The following LIPI variants were observed in gnomAD, a reference collection of about 807,000 sequenced individuals.
LIPI encodes lipase member I.
A neutral mutation model predicts 50.6 loss-of-function variants in LIPI; 59 were observed. The ratio of observed to expected loss-of-function variants is 1.16; its 90% confidence interval spans 0.94 to 1.45. The LOEUF (loss-of-function observed/expected upper bound fraction) is 1.45. Ranked by LOEUF, LIPI falls within the 40% of genes most tolerant of loss-of-function variation. The pLI is 0.00. For synonymous variants in LIPI, 203 were observed against 178.2 expected, an observed-to-expected ratio of 1.14 and a Z score of -1.11; for missense variants, 586 against 536.3, an observed-to-expected ratio of 1.09 and a Z score of -0.92.
chr21:14,158,589 T>A (rs1364926504), intron 7 of LIPI, among the ~76,000 whole-genome samples: 1 of 148,232 alleles, frequency 6.7e-6, no homozygotes, highest in African/African-American at 2.5e-5. Context: ...GAAATATATA[T>A]TTTATATATA....
chr21:14,130,202 T>TG (rs1399254996), intron 9 of LIPI, among the ~76,000 whole-genome samples: 3 of 152,116 alleles, frequency 2.0e-5, no homozygotes, highest in African/African-American at 7.2e-5. Flanking sequence ...TAGCCAGGTG[T>TG]GGGGGTGTGC....
chr21:14,171,588 C>G (rs1244906554), intron 4 of LIPI, among the ~76,000 whole-genome samples: 2 of 150,582 alleles, frequency 1.3e-5, no homozygotes, highest in African/African-American at 4.9e-5. Flanking sequence ...TGATCTTTGA[C>G]AAACCTGAGA....
chr21:14,185,822 G>C, intron 3 of LIPI, 139 bp downstream of exon 3: 2 of 588,912 alleles, frequency 3.4e-6, no homozygotes, highest in East Asian at 6.0e-5. Flanking sequence ...AGCAGAGGTT[G>C]CAGTGAGCCG....
intron 7 of LIPI, among the ~76,000 whole-genome samples, chr21:14,162,767 A>C (rs769983154): frequency 3.2e-4 from 48 of 151,884 alleles, no homozygotes; most frequent in Non-Finnish European, 2.5e-4. Context: ...ATATTTTATG[A>C]GAATCTATTT....
chr21:14,153,336 A>C (rs1330075122), intron 7 of LIPI, among the ~76,000 whole-genome samples: 1 of 152,094 alleles, frequency 6.6e-6, no homozygotes, highest in East Asian at 1.9e-4. Context: ...TTATAATTGG[A>C]TTTTCCCCAT....
intron 5 of LIPI, among the ~76,000 whole-genome samples, chr21:14,165,673 A>G (rs907292532): frequency 3.9e-5 from 6 of 152,244 alleles, no homozygotes; most frequent in African/African-American, 1.4e-4. Context: ...CAGTGCTACT[A>G]TACTTAATAA....
At position 14,129,749 on chromosome 21, in the gene LIPI, TA is replaced by T. The variant is rs544082283; in HGVS notation, c.1295+14873del. 7.0e-3 allele frequency among the ~76,000 whole-genome samples: 1,044 copies of T among 149,914 alleles called. 17 individuals are homozygous for T. Among genetic ancestry groups the T allele is most frequent in the African/African-American group, 0.021 (875 of 41,080 alleles). On this transcript the variant is annotated intron_variant, in intron 9 of 9. Transcript: ENST00000681601. ...ATATGATAGGTAAAATGCTGATTTT[TA>T]AAAAAACCTAAGTATAATAATCTAT...
chr21:14,146,560 A>T (rs1005039312), intron 8 of LIPI, among the ~76,000 whole-genome samples: 1 of 152,120 alleles, frequency 6.6e-6, no homozygotes, highest in Admixed American at 6.6e-5. Flanking sequence ...CTTGCTTTGT[A>T]TCTCTCCAAT....
At chr21:14,135,632 T>A (rs958442428) in intron 9 of LIPI, among the ~76,000 whole-genome samples, 5 of 152,168 alleles carry the variant, frequency 3.3e-5, no homozygotes, top group Non-Finnish European at 5.9e-5. Flanking sequence ...CACAGGGGAA[T>A]CAGCAATCCC....
chr21:14,140,130 C>T (rs1360904327), intron 9 of LIPI, among the ~76,000 whole-genome samples: 1 of 151,836 alleles, frequency 6.6e-6, no homozygotes, highest in African/African-American at 2.4e-5. Context: ...TTATAGGACA[C>T]AAAGCTAAAA....
chr21:14,179,033 C>T (rs546528452), intron 4 of LIPI, among the ~76,000 whole-genome samples: 2 of 152,184 alleles, frequency 1.3e-5, no homozygotes, highest in South Asian at 4.1e-4. Flanking sequence ...TCTATAATGT[C>T]CTTTGGAGTT....
intron 1 of LIPI, among the ~76,000 whole-genome samples, chr21:14,209,093 A>T (rs1236345726): frequency 6.6e-6 from 1 of 152,190 alleles, no homozygotes; most frequent in Non-Finnish European, 1.5e-5. Flanking sequence ...AATAACAGCA[A>T]CAACAAAAAT....
chr21:14,129,139 G>T (rs1377645343), intron 9 of LIPI, among the ~76,000 whole-genome samples: 1 of 152,006 alleles, frequency 6.6e-6, no homozygotes, highest in Non-Finnish European at 1.5e-5. Flanking sequence ...CCTGTTCATT[G>T]AGCTGTGTAT....
In LIPI at chr21:14,163,438, A is replaced by T. The variant is rs1406588835; in HGVS notation, c.987T>A (p.Ser329Arg). ...ACTTACTACAGAATGGATATGTACCACTTGTATCCAAAAACACAGTGGTCC... is the reference window on the plus strand; with the variant it reads ...ACTTACTACAGAATGGATATGTACCTCTTGTATCCAAAAACACAGTGGTCC... The part of the protein sequence containing the change: ...PLRTTVFLDT[S>R]GTYPFCTYYF... The change falls in exon 7 of 10, where the codon AGT becomes AGA. Residue 329 changes from serine to arginine, a missense_variant. Physicochemically the swap from Ser to Arg is moderately radical, Grantham distance 110 (BLOSUM62 -1). Coordinates refer to ENST00000681601, the MANE Select transcript of LIPI (RefSeq NM_001302998.2). 6.6e-7 allele frequency: 1 copy of T among 1,505,822 alleles called. No individual in the cohort carries two copies. Among genetic ancestry groups the T allele is most frequent in the Non-Finnish European group, 9.2e-7 (1 of 1,081,720 alleles). 93.3% of individuals were successfully genotyped at this position (1,505,822 alleles called of 1,614,324 possible).
chr21:14,167,625 CA>C (rs1260881720), intron 4 of LIPI, among the ~76,000 whole-genome samples: 2 of 152,210 alleles, frequency 1.3e-5, no homozygotes, highest in Non-Finnish European at 2.9e-5. Context: ...GGACCTCTAG[CA>C]AACTCCAACA....
intron 1 of LIPI, among the ~76,000 whole-genome samples, chr21:14,200,881 A>G (rs371792258): frequency 2.0e-5 from 3 of 152,180 alleles, no homozygotes; most frequent in East Asian, 3.9e-4. Context: ...CAGGGCTACA[A>G]TAACCAAAAC....
At chr21:14,146,484 C>A (rs1348746872) in intron 8 of LIPI, among the ~76,000 whole-genome samples, 1 of 151,936 alleles carries the variant, frequency 6.6e-6, no homozygotes, top group Non-Finnish European at 1.5e-5. Context: ...CTCATTTTTC[C>A]ATTTCAACTA....
At position 14,189,024 on chromosome 21, in the gene LIPI, C is replaced by T; in HGVS notation, c.432+10G>A. The T allele has an allele frequency of 6.3e-7, 1 of 1,599,856 alleles. No homozygotes were observed. ...ATAGCATGTATAATACATAAAATTC[C>T]CAGACTTACCAAAAGATTTTTAATG... On this transcript the variant is annotated intron_variant, in intron 2 of 9. Coordinates refer to ENST00000681601, the MANE Select transcript of LIPI (RefSeq NM_001302998.2).
At chr21:14,186,701 G>A (rs1481588657) in intron 2 of LIPI, among the ~76,000 whole-genome samples, 1 of 152,102 alleles carries the variant, frequency 6.6e-6, no homozygotes, top group Admixed American at 6.6e-5. Flanking sequence ...CCTTCTTGTG[G>A]GTTAGGAGAA....
Sources: allele counts gnomAD v4.1 joint callset (sites outside exome capture counted in the v4.1 genomes callset), GRCh38; gene constraint gnomAD v4.1.1; transcripts MANE v1.5; gene names NCBI Gene and HGNC (gene_info 2026-07-23, HGNC 2026-07-21).